ZNF503: variants seen among roughly 807,000 people sequenced by gnomAD.
ZNF503 encodes zinc finger protein 503.
ZNF503 carries 15 observed loss-of-function variants against 34.4 expected under a neutral mutation model. The ratio of observed to expected loss-of-function variants is 0.44; its 90% CI spans 0.29 to 0.67. ZNF503 has a LOEUF of 0.67. ZNF503 is among the 30% of genes least tolerant of loss of function. ZNF503 has a pLI of 0.13. For missense variants in ZNF503, 1,007 were observed against 926.8 expected (o/e 1.09, Z -1.12); for synonymous variants, 580 against 456.8 (o/e 1.27, Z -3.44).
the ZNF503 span, among the ~76,000 whole-genome samples, chr10:75,299,600 C>T: frequency 2.3e-4 from 35 of 152,260 alleles, no homozygotes; most frequent in South Asian, 3.3e-3. Flanking sequence ...AGCCAGATAT[C>T]GGGCAAAATT....
the ZNF503 span, among the ~76,000 whole-genome samples, chr10:75,328,590 C>T: frequency 2.6e-5 from 4 of 151,884 alleles, no homozygotes; most frequent in East Asian, 3.9e-4. Flanking sequence ...GGGTCTTCTG[C>T]GGTTCCATAC....
chr10:75,352,520 T>G, the ZNF503 span, among the ~76,000 whole-genome samples: 1 of 152,148 alleles, frequency 6.6e-6, no homozygotes, highest in Admixed American at 6.5e-5. Flanking sequence ...CATCCCAAGG[T>G]TCGGTGAAGA....
chr10:75,382,639 C>A, the ZNF503 span: 26 of 373,818 alleles, frequency 7.0e-5, no homozygotes, highest in African/African-American at 4.4e-4. Context: ...CATGACTGTT[C>A]TAGAAGCAGT....
At chr10:75,378,070 C>T in the ZNF503 span, among the ~76,000 whole-genome samples, 1,098 of 152,026 alleles carry the variant, frequency 7.2e-3, 7 homozygotes, top group Non-Finnish European at 0.012. Context: ...TTCACTATCT[C>T]GAGGACAGCA....
At chr10:75,333,050 G>C in the ZNF503 span, among the ~76,000 whole-genome samples, 1 of 145,828 alleles carries the variant, frequency 6.9e-6, no homozygotes, top group African/African-American at 2.6e-5. Flanking sequence ...CAGTAGGGGC[G>C]GCCGGGCAGA....
the ZNF503 span, among the ~76,000 whole-genome samples, chr10:75,309,591 A>G: frequency 6.6e-6 from 1 of 151,914 alleles, no homozygotes; most frequent in African/African-American, 2.4e-5. Flanking sequence ...TAAGGTATGT[A>G]CATTGTTTTT....
the ZNF503 span, among the ~76,000 whole-genome samples, chr10:75,330,581 G>A: frequency 3.9e-5 from 6 of 152,104 alleles, no homozygotes; most frequent in Non-Finnish European, 7.4e-5. Context: ...ATCTTGGTAG[G>A]TTGTATGTGT....
the ZNF503 span, among the ~76,000 whole-genome samples, chr10:75,347,308 G>C: frequency 0.3 from 45,450 of 152,088 alleles, 7,495 homozygotes; most frequent in South Asian, 0.4. Context: ...ATGAAGGAGA[G>C]GAAAATGTGA....
At chr10:75,344,936 G>A in the ZNF503 span, among the ~76,000 whole-genome samples, 39 of 152,292 alleles carry the variant, frequency 2.6e-4, no homozygotes, top group South Asian at 2.1e-4. Flanking sequence ...GTCCTTTAAA[G>A]TCTTATTATC....
At chr10:75,282,556 A>G in the ZNF503 span, among the ~76,000 whole-genome samples, 1 of 152,214 alleles carries the variant, frequency 6.6e-6, no homozygotes, top group Admixed American at 6.5e-5. Context: ...GCACCATGTA[A>G]GCTGCTGTAG....
chr10:75,285,820 C>T, the ZNF503 span, among the ~76,000 whole-genome samples: 5 of 152,176 alleles, frequency 3.3e-5, no homozygotes, highest in Non-Finnish European at 7.3e-5. Context: ...ATGGCAACCT[C>T]CTGGCAGTCT....
At chr10:75,379,386 A>G in the ZNF503 span, among the ~76,000 whole-genome samples, 4 of 152,192 alleles carry the variant, frequency 2.6e-5, no homozygotes, top group Non-Finnish European at 5.9e-5. Flanking sequence ...CTTCGGATGG[A>G]TAATAATGTC....
At chr10:75,317,079 C>T in the ZNF503 span, among the ~76,000 whole-genome samples, 2 of 152,090 alleles carry the variant, frequency 1.3e-5, no homozygotes, top group African/African-American at 4.8e-5. Flanking sequence ...GTAGCTGGGA[C>T]TACAGGTGCA....
In ZNF503 at chr10:75,398,028, T is replaced by C. The variant is rs1843722828; in HGVS notation, c.*721A>G. The C allele has an allele frequency of 5.4e-5, 8 of 148,942 alleles. No homozygotes were observed. In the South Asian group the frequency reaches 1.7e-3, roughly 31 times the overall value. The allele number at this position is 148,942 out of a possible 1,614,324, so 9.2% of individuals were successfully genotyped here. A position where few individuals can be genotyped will look rare whatever the true frequency, so the allele number is the denominator to read the frequency against. Reference sequence around the variant, plus strand: ...TTGGAATAGAATTTTTTCTTTTTCTTTTTTTTTTTGTTGTTTTCTTCCAGA... The same window carrying C: ...TTGGAATAGAATTTTTTCTTTTTCTCTTTTTTTTTGTTGTTTTCTTCCAGA... On this transcript the variant is annotated 3_prime_UTR_variant, in exon 2 of 2. Transcript: ENST00000372524.
Position 75,401,321 on chromosome 10 carries a change from G to A in ZNF503, c.99C>T (p.Thr33=), listed in dbSNP as rs1843809239. Residue 33 remains threonine, a synonymous_variant, in exon 1 of 2, where the codon ACC becomes ACT. Transcript: ENST00000372524. The part of the protein sequence containing the change: ...GGGGGADPAW[T]SALSGNSSGP... ...CGGAGCTATTTCCAGAGAGCGCGCT[G>A]GTCCAGGCAGGGTCTGCACCGCCGC... The A allele has an allele frequency of 6.5e-7, 1 of 1,544,524 alleles. No individual in the cohort carries two copies. The highest frequency in any genetic ancestry group is 1.2e-5 in the South Asian group (1 of 84,552).
At chr10:75,303,012 G>A in the ZNF503 span, among the ~76,000 whole-genome samples, 9 of 152,286 alleles carry the variant, frequency 5.9e-5, no homozygotes, top group South Asian at 2.1e-4. Context: ...GTTCAGCTTC[G>A]TCCTTGCTTT....
At chr10:75,291,362 A>G in the ZNF503 span, among the ~76,000 whole-genome samples, 1 of 152,216 alleles carries the variant, frequency 6.6e-6, no homozygotes, top group African/African-American at 2.4e-5. Flanking sequence ...CTGTAATTCC[A>G]GCAGTTTGGG....
Position 75,400,364 on chromosome 10 carries a change from T to C in ZNF503, c.326A>G (p.Lys109Arg). The change falls in exon 2 of 2, where the codon AAG becomes AGG. Residue 109 changes from lysine to arginine, a missense_variant. By Grantham distance (26) the Lys-to-Arg change is conservative. Transcript: ENST00000372524. ...TPVSPIELDA[K>R]KSPLALLAQT... Reference sequence around the variant, plus strand: ...CGCCAACAGCGCCAGCGGGCTCTTCTTGGCATCGAGCTGCGGGGTCAGACG... The same window carrying C: ...CGCCAACAGCGCCAGCGGGCTCTTCCTGGCATCGAGCTGCGGGGTCAGACG... 6.2e-7 allele frequency: 1 copy of C among 1,607,728 alleles called. No homozygotes were observed. Among genetic ancestry groups the C allele is most frequent in the Non-Finnish European group, 8.5e-7 (1 of 1,176,686 alleles).
chr10:75,349,253 G>A, the ZNF503 span, among the ~76,000 whole-genome samples: 1 of 152,134 alleles, frequency 6.6e-6, no homozygotes, highest in South Asian at 2.1e-4. Flanking sequence ...TTTGCATTTA[G>A]TTGGATGTCT....
Sources: allele counts gnomAD v4.1 joint callset (sites outside exome capture counted in the v4.1 genomes callset), GRCh38; gene constraint gnomAD v4.1.1; transcripts MANE v1.5; gene names NCBI Gene and HGNC (gene_info 2026-07-23, HGNC 2026-07-21).